SMARCC1: variants seen among roughly 807,000 people sequenced by gnomAD.
SMARCC1 encodes the protein SWI/SNF related BAF chromatin remodeling complex subunit C1, also known as SWI/SNF complex subunit SMARCC1.
SMARCC1 carries 43 observed loss-of-function variants against 147.4 expected under a neutral mutation model. The observed-to-expected ratio is 0.29, with a 90% CI of 0.23 to 0.38. SMARCC1 has a LOEUF of 0.38. Ranked by LOEUF, SMARCC1 falls within the 10% of genes least tolerant of loss-of-function variation. SMARCC1 has a pLI of 1.00. For missense variants in SMARCC1, 1,119 were observed against 1,381.1 expected (o/e 0.81, Z 3.01); for synonymous variants, 495 against 484.4 (o/e 1.02, Z -0.29).
chr3:47,762,709 G>C (rs759121563), intron 2 of SMARCC1, among the ~76,000 whole-genome samples: 1 of 152,076 alleles, frequency 6.6e-6, no homozygotes, highest in African/African-American at 2.4e-5. Flanking sequence ...ATCACCTGAG[G>C]TCAGGAGTTT....
intron 21 of SMARCC1, among the ~76,000 whole-genome samples, chr3:47,643,138 G>A (rs1442770134): frequency 6.6e-6 from 1 of 152,220 alleles, no homozygotes; most frequent in Non-Finnish European, 1.5e-5. Flanking sequence ...AGCAAGAAGT[G>A]TTCAAAGTTC....
chr3:47,778,700 G>C (rs2106884159), intron 1 of SMARCC1, among the ~76,000 whole-genome samples: 1 of 152,248 alleles, frequency 6.6e-6, no homozygotes. Context: ...TTTCAAGTAA[G>C]AGTCAGTGTG....
chr3:47,675,628 T>G (rs1559641859), intron 17 of SMARCC1, 40 bp from the exon 18 acceptor site: 1 of 1,092,166 alleles, frequency 9.2e-7, no homozygotes. Context: ...TTAGCCTCTT[T>G]AAAGTCAAGA....
chr3:47,741,294 T>C (rs2034507239), intron 3 of SMARCC1, among the ~76,000 whole-genome samples: 1 of 150,994 alleles, frequency 6.6e-6, no homozygotes, highest in South Asian at 2.1e-4. Context: ...TGCACCTTGT[T>C]TGAATATTAA....
chr3:47,625,186 G>A (rs2032790752), intron 24 of SMARCC1, among the ~76,000 whole-genome samples: 1 of 150,654 alleles, frequency 6.6e-6, no homozygotes, highest in Non-Finnish European at 1.5e-5. Context: ...CTGGGCCGGC[G>A]CTGTGGCTCA....
Position 47,766,503 on chromosome 3 carries a change from G to A in SMARCC1, c.315+6314C>T, listed in dbSNP as rs556618099. Among the ~76,000 whole-genome samples, 4 of 152,178 alleles carry A rather than the reference G, an allele frequency of 2.6e-5. No homozygotes were observed. The East Asian group carries it at 7.7e-4, about 29-fold the overall frequency. Reference sequence around the variant, plus strand: ...GATCTACCTGAGTCTGGAAAGTCATGGTCGAATATGCAGTGAGTTGAGATC... The same window carrying A: ...GATCTACCTGAGTCTGGAAAGTCATAGTCGAATATGCAGTGAGTTGAGATC... On this transcript the variant is annotated intron_variant, in intron 2 of 27. Transcript: ENST00000254480.
Position 47,702,947 on chromosome 3 carries a change from G to A in SMARCC1, c.1041-1545C>T, listed in dbSNP as rs533045677. Among the ~76,000 whole-genome samples the A allele has an allele frequency of 1.2e-4, 19 of 152,202 alleles. 1 individual carries two copies. The East Asian group carries it at 3.5e-3, about 28-fold the overall frequency. ...TTTGTTTTGGTGGGGGCGGGGGTAG[G>A]AGACAGTCTTGCTCTGTTGCCCAGG... On this transcript the variant is annotated intron_variant, in intron 10 of 27. Transcript: ENST00000254480.
chr3:47,622,791 G>A (rs2032753580), intron 24 of SMARCC1, among the ~76,000 whole-genome samples: 1 of 152,166 alleles, frequency 6.6e-6, no homozygotes, highest in African/African-American at 2.4e-5. Context: ...TTGGTGAGCA[G>A]ACCTCATGTG....
At chr3:47,712,078 C>T (rs2034090472) in intron 8 of SMARCC1, among the ~76,000 whole-genome samples, 2 of 151,984 alleles carry the variant, frequency 1.3e-5, no homozygotes, top group South Asian at 4.2e-4. Context: ...ACTAAAAATA[C>T]AAAAATTAGT....
In SMARCC1 at chr3:47,680,419, CTA is replaced by C. The variant is rs755358503; in HGVS notation, c.1457+16_1457+17del. 1 of 1,589,818 alleles carries C rather than the reference CTA, an allele frequency of 6.3e-7. No homozygotes were observed. Among genetic ancestry groups the C allele is most frequent in the Admixed American group, 1.7e-5 (1 of 58,864 alleles). On this transcript the variant is annotated intron_variant, in intron 15 of 27. Transcript: ENST00000254480. ...GCACACAGGCAAATAAACAAGTTTT[CTA>C]AAACACTGGCCTCACATTTCTGGAG...
rs1313596933 is a variant in SMARCC1, at chr3:47,610,179, G to C, written c.2930C>G (p.Pro977Arg). The C allele has an allele frequency of 6.2e-7, 1 of 1,614,050 alleles. No homozygotes were observed. The highest frequency in any genetic ancestry group is 1.7e-5 in the Admixed American group (1 of 60,004). ...TGCTGCTCCAAGTGGGGCCAGGCCA[G>C]GTCCTCCTGAGTGCTGGTGTGCCTG... The part of the protein sequence containing the change: ...PQQAHQHSGG[P>R]GLAPLGAAGH... Residue 977 changes from proline (P) to arginine (R), a missense_variant, in exon 26 of 28, where the codon CCT (proline) becomes CGT (arginine). Physicochemically the swap from Pro to Arg is moderately radical, Grantham distance 103. This residue lies in a region of SMARCC1 where 186 missense variants were observed against 216.5 expected (regional missense o/e 0.86). Coordinates refer to ENST00000254480, the MANE Select transcript of SMARCC1 (RefSeq NM_003074.4).
chr3:47,729,813 G>A (rs189381042), intron 5 of SMARCC1, among the ~76,000 whole-genome samples: 4 of 152,192 alleles, frequency 2.6e-5, no homozygotes, highest in East Asian at 1.9e-4. Context: ...CAGATACATC[G>A]TCAAGTTCAG....
intron 23 of SMARCC1, 48 bp downstream of exon 23, chr3:47,635,974 C>A (rs762424072): frequency 2.2e-6 from 2 of 889,836 alleles, no homozygotes; most frequent in Non-Finnish European, 3.6e-6. Context: ...TTCTCCAGTG[C>A]CTTTTACAGT....
intron 7 of SMARCC1, among the ~76,000 whole-genome samples, chr3:47,716,993 T>C (rs1559652965): frequency 6.6e-6 from 1 of 152,200 alleles, no homozygotes; most frequent in South Asian, 2.1e-4. Flanking sequence ...TTGTCAATTA[T>C]GGTTCACATG....
chr3:47,593,667 A>C (rs2032222530), intron 26 of SMARCC1, among the ~76,000 whole-genome samples: 1 of 152,216 alleles, frequency 6.6e-6, no homozygotes. Context: ...ATTGGACCAA[A>C]TTACAATACA....
Position 47,729,016 on chromosome 3 carries a change from C to A in SMARCC1, c.646+9G>T. 1 of 1,601,184 alleles carries A rather than the reference C, an allele frequency of 6.2e-7. No individual in the cohort carries two copies. The highest frequency in any genetic ancestry group is 8.5e-7 in the Non-Finnish European group (1 of 1,169,792). On this transcript the variant is annotated intron_variant, in intron 6 of 27. Coordinates refer to ENST00000254480, the MANE Select transcript of SMARCC1 (RefSeq NM_003074.4). Reference sequence around the variant, plus strand: ...GAGCTCATCTGTTCACAACGCAAAACTAACTTACCATCGTCTTGTGAGGAA... The same window carrying A: ...GAGCTCATCTGTTCACAACGCAAAAATAACTTACCATCGTCTTGTGAGGAA...
At chr3:47,756,811 A>T (rs1214709043) in intron 2 of SMARCC1, among the ~76,000 whole-genome samples, 2 of 152,192 alleles carry the variant, frequency 1.3e-5, no homozygotes, top group African/African-American at 4.8e-5. Flanking sequence ...TTTTACAGAA[A>T]AAGTTTACCG....
intron 11 of SMARCC1, among the ~76,000 whole-genome samples, chr3:47,695,157 C>T (rs2033831870): frequency 6.6e-6 from 1 of 152,050 alleles, no homozygotes; most frequent in South Asian, 2.1e-4. Context: ...GGAGGATAGG[C>T]CCCTCAAGAA....
intron 14 of SMARCC1, among the ~76,000 whole-genome samples, chr3:47,681,999 CAT>C (rs907456480): frequency 4.0e-5 from 6 of 151,890 alleles, no homozygotes; most frequent in African/African-American, 1.5e-4. Context: ...TATAATCTTA[CAT>C]AGTTATTTAC....
Sources: gnomAD v4.1 joint callset for allele counts (sites outside exome capture counted in the v4.1 genomes callset) on GRCh38, gnomAD v4.1.1 for gene constraint, gnomAD v4.1.1 regional missense constraint, MANE v1.5 for transcripts, NCBI Gene and HGNC (gene_info 2026-07-23, HGNC 2026-07-21) for gene names.